Variants in FBXO15 observed in about 807,000 individuals in gnomAD.
FBXO15 encodes F-box protein 15.
In FBXO15, 30 loss-of-function variants were observed where a neutral mutation model predicts 49.5. The ratio of observed to expected loss-of-function variants is 0.61; its 90% CI spans 0.45 to 0.82. The LOEUF (loss-of-function observed/expected upper bound fraction) is 0.82, where lower values mean the gene tolerates loss of function less well. Among genes scored for constraint, FBXO15 ranks in the 40% least tolerant of loss-of-function variants. The pLI, the probability that FBXO15 is intolerant of heterozygous loss-of-function variation, is 0.00. For synonymous variants in FBXO15, 250 were observed against 232.7 expected (o/e 1.07, Z -0.68); for missense variants, 591 against 631.5 (o/e 0.94, Z 0.69).
At chr18:74,145,033 G>A (rs2145235888) in intron 1 of FBXO15, among the ~76,000 whole-genome samples, 1 of 152,296 alleles carries the variant, frequency 6.6e-6, no homozygotes, top group South Asian at 2.1e-4. Flanking sequence ...CTCAAAGATA[G>A]TTTTAAATAA....
At chr18:74,115,932 G>A (rs62097024) in intron 8 of FBXO15, among the ~76,000 whole-genome samples, 13,326 of 152,222 alleles carry the variant, frequency 0.088, 824 homozygotes, top group Admixed American at 0.2. Flanking sequence ...CTTGGTCACT[G>A]TAGTTTCAGA....
intron 8 of FBXO15, among the ~76,000 whole-genome samples, chr18:74,106,010 T>C (rs1913742384): frequency 6.6e-6 from 1 of 152,126 alleles, no homozygotes; most frequent in African/African-American, 2.4e-5. Flanking sequence ...GTAAGAAATT[T>C]TATATTGGGA....
At chr18:74,087,142 G>A (rs1014216984) in intron 8 of FBXO15, among the ~76,000 whole-genome samples, 1 of 152,154 alleles carries the variant, frequency 6.6e-6, no homozygotes, top group Non-Finnish European at 1.5e-5. Context: ...TGAGCCTTCC[G>A]CAAAGCATTA....
intron 8 of FBXO15, among the ~76,000 whole-genome samples, chr18:74,112,870 C>T (rs1357709031): frequency 1.3e-5 from 2 of 152,186 alleles, no homozygotes; most frequent in Non-Finnish European, 2.9e-5. Context: ...ATGCAAAATG[C>T]TACAGTCACT....
chr18:74,112,600 CA>C (rs1914076914), intron 8 of FBXO15, among the ~76,000 whole-genome samples: 1 of 152,184 alleles, frequency 6.6e-6, no homozygotes, highest in Admixed American at 6.5e-5. Context: ...AGATCAGCAA[CA>C]GAGCAAGGAT....
intron 1 of FBXO15, among the ~76,000 whole-genome samples, chr18:74,141,178 A>G (rs1178407943): frequency 6.6e-6 from 1 of 152,208 alleles, no homozygotes; most frequent in Non-Finnish European, 1.5e-5. Context: ...AGAGGTTCCT[A>G]AAGTAAATTT....
At chr18:74,131,143 A>G (rs1437628821) in intron 3 of FBXO15, among the ~76,000 whole-genome samples, 1 of 152,380 alleles carries the variant, frequency 6.6e-6, no homozygotes, top group East Asian at 1.9e-4. Flanking sequence ...AACAAGGAAT[A>G]CGCTTTCACA....
chr18:74,100,244 G>C (rs972550178), intron 8 of FBXO15, among the ~76,000 whole-genome samples: 1 of 152,122 alleles, frequency 6.6e-6, no homozygotes, highest in South Asian at 2.1e-4. Context: ...AATAAAAACG[G>C]AAATCAACTC....
At chr18:74,115,156 G>A (rs771259380) in intron 8 of FBXO15, among the ~76,000 whole-genome samples, 1 of 152,186 alleles carries the variant, frequency 6.6e-6, no homozygotes, top group Non-Finnish European at 1.5e-5. Context: ...ACTGGCCTGG[G>A]AGCTGAGCCC....
At chr18:74,124,443 AT>A in intron 7 of FBXO15, 45 bp downstream of exon 7, 2 of 1,473,216 alleles carry the variant, frequency 1.4e-6, no homozygotes. Context: ...CTAATACTTT[AT>A]ATTTACTGTA....
In FBXO15 at chr18:74,074,523, T is replaced by C. The variant is rs190522248; in HGVS notation, c.1264-793A>G. Among the ~76,000 whole-genome samples, 2 of 152,134 alleles carry C rather than the reference T, an allele frequency of 1.3e-5. No individual in the cohort carries two copies. The highest frequency in any genetic ancestry group is 2.4e-5 in the African/African-American group (1 of 41,416). The stretch of plus-strand genomic sequence containing the variant: ...TCCCGGAAGTGGTCCACTTTCACTA[T>C]CCATGCCTCAGGCACCCTGTCTTCT... On this transcript the variant is annotated intron_variant, in intron 9 of 9. Transcript: ENST00000419743. This position sits in a 1 kb window ranked among gnomAD's most constrained non-coding sequence, Gnocchi z 4.7.
intron 8 of FBXO15, among the ~76,000 whole-genome samples, chr18:74,119,746 G>T (rs1914391583): frequency 6.6e-6 from 1 of 152,178 alleles, no homozygotes; most frequent in South Asian, 2.1e-4. Context: ...AGCTAGAGTG[G>T]GGAGGACAGA....
chr18:74,131,882 C>A (rs1257225783), intron 3 of FBXO15, among the ~76,000 whole-genome samples: 1 of 152,190 alleles, frequency 6.6e-6, no homozygotes, highest in Non-Finnish European at 1.5e-5. Flanking sequence ...CTGGGGATAA[C>A]TGGGTGCTCT....
intron 2 of FBXO15, among the ~76,000 whole-genome samples, chr18:74,139,685 T>G (rs568299877): frequency 6.6e-6 from 1 of 152,334 alleles, no homozygotes; most frequent in Admixed American, 6.5e-5. Flanking sequence ...CCATGAGGCT[T>G]AGCATATAAT....
chr18:74,095,887 A>C (rs763861822), intron 8 of FBXO15, among the ~76,000 whole-genome samples: 7 of 152,200 alleles, frequency 4.6e-5, no homozygotes, highest in Non-Finnish European at 8.8e-5. Context: ...CAATGCTAAG[A>C]TTATCACCAG....
At chr18:74,080,430 G>A (rs1043761914) in intron 9 of FBXO15, among the ~76,000 whole-genome samples, 2 of 152,226 alleles carry the variant, frequency 1.3e-5, no homozygotes, top group Non-Finnish European at 2.9e-5. Context: ...TCTGAGAGAA[G>A]GAATTTATGG....
chr18:74,135,005 G>T (rs1256862728), intron 3 of FBXO15, among the ~76,000 whole-genome samples: 3 of 152,100 alleles, frequency 2.0e-5, no homozygotes, highest in Non-Finnish European at 4.4e-5. Context: ...AATGAGAGAG[G>T]GGCCTAAAAA....
chr18:74,084,016 G>A (rs1285073477), intron 8 of FBXO15, among the ~76,000 whole-genome samples: 1 of 152,228 alleles, frequency 6.6e-6, no homozygotes, highest in Admixed American at 6.5e-5. Context: ...CCCAAGGTCA[G>A]ATCCCTGGTC....
chr18:74,129,600 C>A lies in FBXO15; in HGVS notation c.590G>T (p.Gly197Val). 1 of 1,610,034 alleles carries A rather than the reference C, an allele frequency of 6.2e-7. No homozygotes were observed. The highest frequency in any genetic ancestry group is 8.5e-7 in the Non-Finnish European group (1 of 1,179,178). The stretch of plus-strand genomic sequence containing the variant: ...TTTTTCTTTCAGTATAATTGCCCAA[C>A]CTAAACCAAATATTCTGGAGAAAGA... ...TKEALRIFGL[G>V]WAIILKEKGG... Residue 197 changes from glycine (G) to valine (V), a missense_variant, in exon 5 of 10, where the codon GGT becomes GTT. Transcript: ENST00000419743.
Sources: allele counts gnomAD v4.1 joint callset (sites outside exome capture counted in the v4.1 genomes callset), GRCh38; gene constraint gnomAD v4.1.1; non-coding constraint Gnocchi (gnomAD v3.1); transcripts MANE v1.5; gene names NCBI Gene and HGNC (gene_info 2026-07-23, HGNC 2026-07-21).